The following KANK1 variants were observed in gnomAD, a reference collection of about 807,000 sequenced individuals.
KANK1 encodes KN motif and ankyrin repeat domain-containing protein 1.
A neutral mutation model predicts 106.2 loss-of-function variants in KANK1; 109 were observed. The observed-to-expected ratio is 1.03, with a 90% CI of 0.88 to 1.20. The LOEUF (loss-of-function observed/expected upper bound fraction) is 1.20. KANK1 is among the 50% of genes most tolerant of loss of function. The probability of loss-of-function intolerance (pLI) is 0.00; values close to 1 mark genes in which losing one functional copy is unlikely to be tolerated. For missense variants in KANK1, 2,399 were observed against 1,710.7 expected, an observed-to-expected ratio of 1.40 and a Z score of -7.10; for synonymous variants, 873 against 652.2, an observed-to-expected ratio of 1.34 and a Z score of -5.16.
At chr9:561,815 C>G (rs1222476626) in intron 1 of KANK1, among the ~76,000 whole-genome samples, 1 of 152,154 alleles carries the variant, frequency 6.6e-6, no homozygotes, top group African/African-American at 2.4e-5. Flanking sequence ...GTAAGTCACA[C>G]TGTTAAAGAA....
At position 562,042 on chromosome 9, in the gene KANK1, CTTTTTTTTTTTT is replaced by C. The variant is rs34419752; in HGVS notation, c.-84+57298_-84+57309del. Among the ~76,000 whole-genome samples, 5 of 104,926 alleles carry C rather than the reference CTTTTTTTTTTTT, an allele frequency of 4.8e-5. No individual in the cohort carries two copies. The South Asian group carries it at 1.6e-3, about 34-fold the overall frequency. The allele number at this position is 104,926 out of a possible 152,430, so 68.8% of individuals were successfully genotyped here. On this transcript the variant is annotated intron_variant, in intron 1 of 11. Coordinates refer to ENST00000382297, the MANE Select transcript of KANK1 (RefSeq NM_015158.5). ...TTTCCAAGTAAGTAAATTGCATTTT[CTTTTTTTTTTTT>C]TTTTTTTTTGAGACGGAGTCTCGCT...
intron 1 of KANK1, among the ~76,000 whole-genome samples, chr9:562,441 A>C (rs10975162): frequency 0.12 from 18,772 of 152,150 alleles, 1,332 homozygotes; most frequent in East Asian, 0.29. Flanking sequence ...GCTCTAGATC[A>C]TGTTCCCAGT....
At position 711,330 on chromosome 9, in the gene KANK1, A is replaced by G. The variant is rs201155271; in HGVS notation, c.564A>G (p.Gly188=). The G allele has an allele frequency of 3.3e-5, 53 of 1,614,114 alleles. No homozygotes were observed. The Admixed American group carries it at 3.8e-4, about 12-fold the overall frequency. ...EFRRPRLASF[G]GMGTTSSLPS... is the part of the protein sequence containing the mutation. ...GAAGGCCCAGGCTGGCCAGTTTTGG[A>G]GGCATGGGCACCACAAGCTCCCTCC... Residue 188 remains glycine, a synonymous_variant, in exon 3 of 12, where the codon GGA becomes GGG. Transcript: ENST00000382297.
intron 1 of KANK1, among the ~76,000 whole-genome samples, chr9:582,084 C>G (rs903958354): frequency 6.6e-6 from 1 of 152,126 alleles, no homozygotes; most frequent in Non-Finnish European, 1.5e-5. Context: ...TTGGTAACTG[C>G]TCAAATGCTG....
Position 514,703 on chromosome 9 carries a change from C to T in KANK1, c.-84+9949C>T, listed in dbSNP as rs1023458258. On this transcript the variant is annotated intron_variant, in intron 1 of 11. Transcript: ENST00000382297. Reference sequence around the variant, plus strand: ...TGCTGTTCATCCTGTTGTCCATGAACGTTAGGTTTCTAGTTTTGGACCAGT... The same window carrying T: ...TGCTGTTCATCCTGTTGTCCATGAATGTTAGGTTTCTAGTTTTGGACCAGT... Among the ~76,000 whole-genome samples the T allele has an allele frequency of 8.6e-5, 13 of 151,712 alleles. No homozygotes were observed. In the South Asian group the frequency reaches 1.0e-3, roughly 12 times the overall value.
intron 1 of KANK1, among the ~76,000 whole-genome samples, chr9:634,095 T>G (rs1836478157): frequency 6.6e-6 from 1 of 152,232 alleles, no homozygotes; most frequent in African/African-American, 2.4e-5. Context: ...ACAAAGCCAA[T>G]TCACTGAGAC....
intron 10 of KANK1, among the ~76,000 whole-genome samples, chr9:744,005 A>C (rs955930862): frequency 1.9e-4 from 29 of 152,204 alleles, no homozygotes; most frequent in African/African-American, 6.5e-4. Context: ...TATTTCCAGA[A>C]GTTGGATCTG....
intron 1 of KANK1, among the ~76,000 whole-genome samples, chr9:599,500 T>G (rs549278365): frequency 2.0e-5 from 3 of 151,928 alleles, no homozygotes; most frequent in South Asian, 4.1e-4. Context: ...AATAAAGTCA[T>G]ATACTTTGTC....
At chr9:599,566 T>C (rs1588136665) in intron 1 of KANK1, among the ~76,000 whole-genome samples, 2 of 152,022 alleles carry the variant, frequency 1.3e-5, no homozygotes, top group East Asian at 3.9e-4. Flanking sequence ...TCTGCTAGTT[T>C]ACTTATTTCT....
chr9:667,400 A>G (rs1435261458), intron 1 of KANK1, among the ~76,000 whole-genome samples: 2 of 150,998 alleles, frequency 1.3e-5, no homozygotes, highest in East Asian at 1.9e-4. Flanking sequence ...TTTAATCTCA[A>G]TTTCATTTAT....
intron 2 of KANK1, among the ~76,000 whole-genome samples, chr9:699,491 G>A (rs1271814091): frequency 6.6e-6 from 1 of 152,176 alleles, no homozygotes; most frequent in Admixed American, 6.6e-5. Flanking sequence ...TGTAGGAGTA[G>A]TGTGCAGGTT....
chr9:593,295 C>G (rs1825425939), intron 1 of KANK1, among the ~76,000 whole-genome samples: 1 of 151,644 alleles, frequency 6.6e-6, no homozygotes. Flanking sequence ...TCAGATGTGC[C>G]CATTCTCACA....
chr9:705,880 C>A (rs984607389), intron 2 of KANK1, among the ~76,000 whole-genome samples: 2 of 152,032 alleles, frequency 1.3e-5, no homozygotes, highest in Admixed American at 6.6e-5. Context: ...GGATTACAGG[C>A]ATGAGCCAGC....
intron 1 of KANK1, among the ~76,000 whole-genome samples, chr9:621,153 C>T (rs1275609565): frequency 6.6e-6 from 1 of 152,088 alleles, no homozygotes; most frequent in African/African-American, 2.4e-5. Context: ...ATATATTTAG[C>T]TAAAAATTTT....
chr9:618,594 C>T (rs1233260506), intron 1 of KANK1, among the ~76,000 whole-genome samples: 1 of 152,068 alleles, frequency 6.6e-6, no homozygotes, highest in East Asian at 1.9e-4. Context: ...GCAAAGATTG[C>T]ATCATTTAAA....
intron 3 of KANK1, chr9:495,358 A>T (rs549682092): frequency 1.3e-5 from 2 of 152,220 alleles, no homozygotes; most frequent in Non-Finnish European, 2.9e-5. Flanking sequence ...CCAGGTCTCA[A>T]TCAAATACAG....
chr9:667,317 TTTAG>T (rs544906708), intron 1 of KANK1, among the ~76,000 whole-genome samples: 4 of 152,196 alleles, frequency 2.6e-5, no homozygotes, highest in Non-Finnish European at 5.9e-5. Context: ...GTCCTCTCTT[TTTAG>T]TTAGTCTTGC....
chr9:715,801 TGAG>T (rs1482894444), intron 3 of KANK1, among the ~76,000 whole-genome samples: 1 of 152,252 alleles, frequency 6.6e-6, no homozygotes, highest in African/African-American at 2.4e-5. Context: ...AACGTTCTAA[TGAG>T]GAATTAATTA....
chr9:600,239 T>G (rs906953293), intron 1 of KANK1, among the ~76,000 whole-genome samples: 1 of 151,760 alleles, frequency 6.6e-6, no homozygotes, highest in Non-Finnish European at 1.5e-5. Context: ...ACTTTCTGTC[T>G]CTGTAATTTT....
Sources: gnomAD v4.1 joint callset for allele counts (sites outside exome capture counted in the v4.1 genomes callset) on GRCh38, gnomAD v4.1.1 for gene constraint, MANE v1.5 for transcripts, NCBI Gene and HGNC (gene_info 2026-07-23, HGNC 2026-07-21) for gene names.